MIA2: variants seen among roughly 807,000 people sequenced by gnomAD.
MIA2 encodes the protein MIA SH3 domain ER export factor 2, also known as melanoma inhibitory activity protein 2.
Under a neutral mutation model 167.8 loss-of-function variants are expected in MIA2, and 127 were observed. That is an observed-to-expected ratio of 0.76 (90% CI 0.66 to 0.88). MIA2 has a LOEUF of 0.88. Ranked by LOEUF, MIA2 falls within the 40% of genes least tolerant of loss-of-function variation. MIA2 has a pLI of 0.00. For missense variants in MIA2, 1,690 were observed against 1,624.7 expected (o/e 1.04, Z -0.69); for synonymous variants, 552 against 541.9 (o/e 1.02, Z -0.26).
rs187422714 is a variant in MIA2 at position 39,251,839 on chromosome 14, T to C, written c.1568-909T>C. Among the ~76,000 whole-genome samples, 145 of 152,294 alleles carry C rather than the reference T, an allele frequency of 9.5e-4. 2 individuals are homozygous for C. Among genetic ancestry groups the C allele is most frequent in the African/African-American group, 3.4e-3 (141 of 41,584 alleles). ...AAGAGCAAAATTAGACATTGAACAA[T>C]TCACTTACTACTCTTTATTATTGTT... On this transcript the variant is annotated intron_variant, in intron 4 of 28. Coordinates refer to ENST00000640607, the MANE Select transcript of MIA2 (RefSeq NM_001329214.4).
intron 26 of MIA2, chr14:39,347,020 T>C: frequency 5.4e-6 from 1 of 183,558 alleles, no homozygotes; most frequent in South Asian, 1.0e-4. Flanking sequence ...AACCTCCGCC[T>C]CCTGGGTTAA....
intron 9 of MIA2, among the ~76,000 whole-genome samples, chr14:39,282,175 C>G (rs969056325): frequency 3.3e-5 from 5 of 152,140 alleles, no homozygotes; most frequent in African/African-American, 9.7e-5. Flanking sequence ...TGTCGTCTCT[C>G]TTCAGTGAGG....
At chr14:39,326,417 G>A (rs2067563310) in intron 24 of MIA2, among the ~76,000 whole-genome samples, 1 of 151,992 alleles carries the variant, frequency 6.6e-6, no homozygotes, top group Non-Finnish European at 1.5e-5. Flanking sequence ...TTGAGATGCA[G>A]TTTTTTACAT....
chr14:39,236,112 A>G (rs920044887), intron 1 of MIA2, among the ~76,000 whole-genome samples: 1 of 152,144 alleles, frequency 6.6e-6, no homozygotes, highest in Non-Finnish European at 1.5e-5. Context: ...ATCAGATGAG[A>G]TGTAAGATAA....
intron 23 of MIA2, among the ~76,000 whole-genome samples, chr14:39,372,109 C>T (rs562061255): frequency 3.3e-5 from 5 of 152,182 alleles, no homozygotes; most frequent in Admixed American, 1.3e-4. Context: ...GGGTAATCCT[C>T]ATCTGAATGA....
chr14:39,252,791 A>G lies in MIA2; in HGVS notation c.1611A>G (p.Glu537=), dbSNP rs776383468. The G allele has an allele frequency of 3.1e-6, 5 of 1,613,646 alleles. No homozygotes were observed. The highest frequency in any genetic ancestry group is 1.1e-5 in the South Asian group (1 of 91,066). ...NIELPTRIHE[E]VYFEPSSSKD... ...AGTTACCTACGAGAATTCACGAAGA[A>G]GTATATTTTGAACCCTCATCTTCTA... The change falls in exon 5 of 29, where the codon GAA becomes GAG. Residue 537 remains glutamate, a synonymous_variant. Coordinates refer to ENST00000640607, the MANE Select transcript of MIA2 (RefSeq NM_001329214.4).
intron 23 of MIA2, among the ~76,000 whole-genome samples, chr14:39,361,437 G>T (rs1264417701): frequency 4.3e-5 from 6 of 139,494 alleles, no homozygotes; most frequent in South Asian, 4.5e-4. Context: ...TAGGTGTGTG[G>T]TTTTTTTTTT....
intron 23 of MIA2, among the ~76,000 whole-genome samples, chr14:39,381,667 G>GTTTTTTT (rs398057014): frequency 6.9e-6 from 1 of 145,316 alleles, no homozygotes; most frequent in East Asian, 2.0e-4. Flanking sequence ...TTTGCTGGCT[G>GTTTTTTT]TTTTTTTTTT....
chr14:39,380,368 A>C (rs1022077836), intron 23 of MIA2, among the ~76,000 whole-genome samples: 14 of 152,188 alleles, frequency 9.2e-5, no homozygotes, highest in Non-Finnish European at 2.9e-5. Flanking sequence ...ACATCTCAAA[A>C]TATAGAGAGA....
chr14:39,299,652 A>T (rs1302300252), intron 13 of MIA2, among the ~76,000 whole-genome samples: 1 of 152,200 alleles, frequency 6.6e-6, no homozygotes, highest in Non-Finnish European at 1.5e-5. Context: ...CAAATCTAAG[A>T]TATGTATATC....
At chr14:39,246,881 G>A (rs1277044840) in intron 3 of MIA2, 30 bp from the exon 4 acceptor site, 1 of 1,258,620 alleles carries the variant, frequency 7.9e-7, no homozygotes, top group Non-Finnish European at 1.1e-6. Context: ...GTACATTCAT[G>A]TTAATCATAT....
intron 23 of MIA2, among the ~76,000 whole-genome samples, chr14:39,380,860 C>T (rs2075143705): frequency 6.6e-6 from 1 of 151,984 alleles, no homozygotes. Context: ...CCCTGGTTCT[C>T]CAAAGAGAAA....
intron 24 of MIA2, among the ~76,000 whole-genome samples, chr14:39,324,125 A>C (rs2152983327): frequency 6.6e-6 from 1 of 152,356 alleles, no homozygotes; most frequent in African/African-American, 2.4e-5. Context: ...CTGGGTTTGA[A>C]TAGAAAACTT....
At chr14:39,336,969 T>G (rs2070562776) in intron 25 of MIA2, among the ~76,000 whole-genome samples, 2 of 152,132 alleles carry the variant, frequency 1.3e-5, no homozygotes, top group African/African-American at 4.8e-5. Flanking sequence ...TTACCCAGTC[T>G]GGTGTCAAAC....
At chr14:39,317,902 G>A (rs2065786312) in intron 21 of MIA2, 42 bp from the exon 22 acceptor site, 6 of 1,349,572 alleles carry the variant, frequency 4.4e-6, no homozygotes, top group Non-Finnish European at 6.0e-6. Flanking sequence ...TATTTTTTAA[G>A]TTTATATAAA....
intron 23 of MIA2, among the ~76,000 whole-genome samples, chr14:39,362,581 GGTTA>G (rs1442078335): frequency 6.6e-6 from 1 of 150,874 alleles, no homozygotes; most frequent in Non-Finnish European, 1.5e-5. Flanking sequence ...TTTTTTTCTT[GGTTA>G]GTCTAGCTAG....
intron 25 of MIA2, among the ~76,000 whole-genome samples, chr14:39,342,652 G>T (rs2072234234): frequency 1.3e-5 from 2 of 152,142 alleles, no homozygotes; most frequent in African/African-American, 4.8e-5. Flanking sequence ...TCACCCTTGA[G>T]AATTTACATA....
intron 6 of MIA2, chr14:39,266,842 G>C (rs1369432479): frequency 2.6e-6 from 2 of 777,408 alleles, no homozygotes; most frequent in Non-Finnish European, 1.6e-6. Flanking sequence ...CCTGGGTCGG[G>C]GGGGTGGGGG....
Position 39,370,768 on chromosome 14 carries a change from T to C in MIA2, c.2249-16117T>C, listed in dbSNP as rs537558335. ...AGCATTATTTTGAACTGAAATACAG[T>C]AGACTTGAAAATTTCAAGAAAGACT... On this transcript the variant is annotated intron_variant, in intron 23 of 23. Transcript: ENST00000341502. The C allele has an allele frequency of 6.5e-5, 10 of 154,418 alleles. No individual in the cohort carries two copies. The South Asian group carries it at 2.0e-3, about 30-fold the overall frequency. 9.6% of individuals were successfully genotyped at this position (154,418 alleles called of 1,614,324 possible).
Sources: allele counts gnomAD v4.1 joint callset (sites outside exome capture counted in the v4.1 genomes callset), GRCh38; gene constraint gnomAD v4.1.1; transcripts MANE v1.5; gene names NCBI Gene and HGNC (gene_info 2026-07-23, HGNC 2026-07-21).